The following NIN variants were observed in gnomAD, a reference collection of about 807,000 sequenced individuals.
NIN encodes the protein glycogen synthase kinase 3 beta-interacting protein.
A neutral mutation model predicts 257.6 loss-of-function variants in NIN; 137 were observed. The observed-to-expected ratio is 0.53, with a 90% CI of 0.46 to 0.61. The LOEUF is 0.61. NIN is among the 20% of genes least tolerant of loss of function. The pLI, the probability that NIN is intolerant of heterozygous loss-of-function variation, is 0.00. For synonymous variants in NIN, 918 were observed against 919.8 expected, an observed-to-expected ratio of 1.00 and a Z score of 0.04; for missense variants, 2,439 against 2,501.2, an observed-to-expected ratio of 0.98 and a Z score of 0.53.
In NIN at chr14:50,820,562, G is replaced by T. The variant is rs563617386; in HGVS notation, c.183+1312C>A. On this transcript the variant is annotated intron_variant, in intron 3 of 30. Transcript: ENST00000530997. ...TGCCAGTTTTTTTGCTACCCACAGA[G>T]TCTAAGACTGAGGCGGAACTGGAAA... is the stretch of plus-strand genomic sequence containing the variant. Among the ~76,000 whole-genome samples, 11 of 152,268 alleles carry T rather than the reference G, an allele frequency of 7.2e-5. No homozygotes were observed. In the East Asian group the frequency reaches 1.9e-3, roughly 27 times the overall value.
Position 50,806,782 on chromosome 14 carries a change from T to A in NIN, c.220A>T (p.Ile74Phe), listed in dbSNP as rs919930968. 3.8e-6 allele frequency: 6 copies of A among 1,582,056 alleles called. No individual in the cohort carries two copies. The highest frequency in any genetic ancestry group is 3.4e-5 in the Admixed American group (2 of 59,378). ...FDQFKEALIL[I>F]LSRTLSNEEH... ...TCATTTGACAGAGTTCTGGACAAGA[T>A]GAGTATTAATGCTTCTTTAAATTGG... The change falls in exon 4 of 31, where the codon ATC becomes TTC. Residue 74 changes from isoleucine to phenylalanine, a missense_variant. By Grantham distance (21) the Ile-to-Phe change is conservative (BLOSUM62 0). Around this residue, in one of 3 missense-constraint regions of NIN, gnomAD observed 387 missense variants for 427.3 expected, o/e 0.91. Coordinates refer to ENST00000530997, the MANE Select transcript of NIN (RefSeq NM_020921.4).
chr14:50,794,253 T>C (rs1254927644), intron 4 of NIN, among the ~76,000 whole-genome samples: 1 of 152,256 alleles, frequency 6.6e-6, no homozygotes, highest in Non-Finnish European at 1.5e-5. Flanking sequence ...AGACACATTC[T>C]GAACATGCTC....
chr14:50,818,167 C>A (rs1405711127), intron 3 of NIN, among the ~76,000 whole-genome samples: 2 of 151,394 alleles, frequency 1.3e-5, no homozygotes, highest in African/African-American at 2.4e-5. Context: ...ACTGAAAATA[C>A]AAAAAATTAG....
intron 18 of NIN, among the ~76,000 whole-genome samples, chr14:50,755,971 T>C (rs371504439): frequency 6.6e-6 from 1 of 152,148 alleles, no homozygotes; most frequent in African/African-American, 2.4e-5. Flanking sequence ...GCCTGACCAT[T>C]TGCACTGTTT....
chr14:50,791,065 T>A (rs2043569260), intron 5 of NIN, among the ~76,000 whole-genome samples: 2 of 152,198 alleles, frequency 1.3e-5, no homozygotes, highest in African/African-American at 4.8e-5. Flanking sequence ...GTTATTAAAC[T>A]TAAAAGTGTT....
At position 50,771,980 on chromosome 14, in the gene NIN, C is replaced by T. The variant is rs561010320; in HGVS notation, c.981+321G>A. 485 of 227,666 alleles carry T rather than the reference C, an allele frequency of 2.1e-3. 2 individuals are homozygous for T. The highest frequency in any genetic ancestry group is 2.8e-3 in the Non-Finnish European group (327 of 116,622). The allele number at this position is 227,666 out of a possible 1,614,324, so 14.1% of individuals were successfully genotyped here. A position where few individuals can be genotyped will look rare whatever the true frequency, so the allele number is the denominator to read the frequency against. The stretch of plus-strand genomic sequence containing the variant: ...CAGTCCAGGTGATAAAACGAGACTC[C>T]GTCTCAAAAAAAAAACAAACAACAA... On this transcript the variant is annotated intron_variant, in intron 9 of 30. Coordinates refer to ENST00000530997, the MANE Select transcript of NIN (RefSeq NM_020921.4).
At chr14:50,764,278 C>G (rs2042388743) in intron 14 of NIN, among the ~76,000 whole-genome samples, 1 of 152,104 alleles carries the variant, frequency 6.6e-6, no homozygotes. Context: ...CATTACCTAT[C>G]AGGGAAATAC....
chr14:50,785,456 C>A (rs1164413305), intron 5 of NIN, among the ~76,000 whole-genome samples: 1 of 152,226 alleles, frequency 6.6e-6, no homozygotes, highest in African/African-American at 2.4e-5. Context: ...AGCCTCAGAG[C>A]CTGGAGTAGA....
chr14:50,735,638 AT>A, intron 27 of NIN, 21 bp from the exon 28 acceptor site: 5 of 1,598,358 alleles, frequency 3.1e-6, no homozygotes, highest in Non-Finnish European at 4.2e-6. Context: ...AAAACAAAAT[AT>A]TCCCTTGAAA....
intron 4 of NIN, among the ~76,000 whole-genome samples, chr14:50,796,881 A>G (rs1456252938): frequency 6.6e-6 from 1 of 152,206 alleles, no homozygotes; most frequent in Non-Finnish European, 1.5e-5. Flanking sequence ...CCACATCTGC[A>G]TCAGATGTGA....
At chr14:50,825,407 C>G (rs560812490) in intron 2 of NIN, among the ~76,000 whole-genome samples, 1 of 152,264 alleles carries the variant, frequency 6.6e-6, no homozygotes, top group East Asian at 1.9e-4. Context: ...AATTTAATGT[C>G]AAATAAAAGC....
chr14:50,784,109 C>T (rs888098226), intron 5 of NIN, among the ~76,000 whole-genome samples: 1 of 152,126 alleles, frequency 6.6e-6, no homozygotes, highest in Non-Finnish European at 1.5e-5. Context: ...TCAGATTCTC[C>T]CTACTCTGGA....
In NIN at chr14:50,771,684, G is replaced by GA. The variant is rs34664482; in HGVS notation, c.982-217dup. 6.4e-4 allele frequency among the ~76,000 whole-genome samples: 93 copies of GA among 146,158 alleles called. 1 individual carries two copies. In the East Asian group the frequency reaches 6.8e-3, roughly 11 times the overall value. On this transcript the variant is annotated intron_variant, in intron 9 of 30. Transcript: ENST00000530997. ...ATAACATGGTTATTTGTGTTAAAAA[G>GA]AAAAAAAAAAAATTATCTTGGCCAG...
At chr14:50,795,347 T>C (rs1266295461) in intron 4 of NIN, among the ~76,000 whole-genome samples, 9 of 152,174 alleles carry the variant, frequency 5.9e-5, no homozygotes, top group Non-Finnish European at 1.2e-4. Context: ...CATGATACGA[T>C]GGGAACAGAG....
chr14:50,784,974 G>A (rs1390696833), intron 5 of NIN, among the ~76,000 whole-genome samples: 3 of 152,190 alleles, frequency 2.0e-5, no homozygotes, highest in Non-Finnish European at 4.4e-5. Flanking sequence ...AAGGTCAGAG[G>A]TTGTCCGGCC....
chr14:50,786,563 G>A (rs1029755021), intron 5 of NIN, among the ~76,000 whole-genome samples: 2 of 151,758 alleles, frequency 1.3e-5, no homozygotes, highest in African/African-American at 4.8e-5. Flanking sequence ...TTTAATGAAT[G>A]TTTCATCTCT....
At chr14:50,798,209 G>A (rs2043929807) in intron 4 of NIN, among the ~76,000 whole-genome samples, 1 of 152,102 alleles carries the variant, frequency 6.6e-6, no homozygotes, top group Non-Finnish European at 1.5e-5. Flanking sequence ...CTCTCTCCTG[G>A]AACCTCCACA....
intron 5 of NIN, among the ~76,000 whole-genome samples, chr14:50,782,303 G>A (rs550322291): frequency 2.6e-5 from 4 of 152,192 alleles, no homozygotes; most frequent in African/African-American, 9.6e-5. Context: ...ATAAAATCAA[G>A]GAGGAAGAAA....
At chr14:50,785,632 GA>G (rs770169593) in intron 5 of NIN, among the ~76,000 whole-genome samples, 3 of 152,220 alleles carry the variant, frequency 2.0e-5, no homozygotes, top group East Asian at 3.8e-4. Flanking sequence ...GGAAGTCTCT[GA>G]AAACACCAGA....
Sources: allele counts gnomAD v4.1 joint callset (sites outside exome capture counted in the v4.1 genomes callset), GRCh38; gene constraint gnomAD v4.1.1; regional missense constraint gnomAD v4.1.1; transcripts MANE v1.5; gene names NCBI Gene and HGNC (gene_info 2026-07-23, HGNC 2026-07-21).